WTIP: variants seen among roughly 807,000 people sequenced by gnomAD.
The protein encoded by WTIP is WT1 interacting protein, also known as Wilms tumor protein 1-interacting protein.
A neutral mutation model predicts 41.7 loss-of-function variants in WTIP; 23 were observed. The observed-to-expected ratio is 0.55, with a 90% CI of 0.40 to 0.78. The LOEUF (loss-of-function observed/expected upper bound fraction) is 0.78, where lower values mean the gene tolerates loss of function less well. Ranked by LOEUF, WTIP falls within the 30% of genes least tolerant of loss-of-function variation. The pLI, the probability that WTIP is intolerant of heterozygous loss-of-function variation, is 0.00. For missense variants in WTIP, 619 were observed against 610.5 expected (o/e 1.01, Z -0.15); for synonymous variants, 314 against 269.9 (o/e 1.16, Z -1.60).
Position 34,506,650 on chromosome 19 carries a change from G to A in WTIP, c.*6381G>A, listed in dbSNP as rs1360245722. The A allele has an allele frequency of 1.3e-5, 2 of 152,124 alleles. No individual in the cohort carries two copies. Among genetic ancestry groups the A allele is most frequent in the Non-Finnish European group, 2.9e-5 (2 of 68,052 alleles). The allele number at this position is 152,124 out of a possible 1,614,324, so 9.4% of individuals were successfully genotyped here. A position where few individuals can be genotyped will look rare whatever the true frequency, so the allele number is the denominator to read the frequency against. On this transcript the variant is annotated 3_prime_UTR_variant, in exon 8 of 8. Coordinates refer to ENST00000590071, the MANE Select transcript of WTIP (RefSeq NM_001080436.2). ...TGGGCACCTGTAGTCCCAGCTACTG[G>A]GGAGGAGGCTGAGGCACGAGAATCG...
intron 7 of WTIP, among the ~76,000 whole-genome samples, chr19:34,497,119 T>C (rs1378201475): frequency 6.6e-6 from 1 of 152,140 alleles, no homozygotes; most frequent in African/African-American, 2.4e-5. Flanking sequence ...CGCCTTGGCC[T>C]CCCAAAGTGC....
rs991335480 is a variant in WTIP at position 34,506,322 on chromosome 19, A to G, written c.*6053A>G. ...ACTGAGGGTGCAGGCCAAACCTTTT[A>G]AAGAATAAACAGAAAGAAATCGGCT... is the stretch of plus-strand genomic sequence containing the variant. On this transcript the variant is annotated 3_prime_UTR_variant, in exon 8 of 8. Coordinates refer to ENST00000590071, the MANE Select transcript of WTIP (RefSeq NM_001080436.2). The G allele has an allele frequency of 1.3e-5, 2 of 152,022 alleles. No individual in the cohort carries two copies. The highest frequency in any genetic ancestry group is 6.6e-5 in the Admixed American group (1 of 15,114). The allele number at this position is 152,022 out of a possible 1,614,324, so 9.4% of individuals were successfully genotyped here. A position where few individuals can be genotyped will look rare whatever the true frequency, so the allele number is the denominator to read the frequency against.
Position 34,482,063 on chromosome 19 carries a change from C to A in WTIP, c.89C>A (p.Pro30His). ...GAGCTGGAGCCCGGGTGCGGCTCTC[C>A]CGGTCGGGGGCGGCGGGGGCCGCGG... is the stretch of plus-strand genomic sequence containing the variant. ...LRELEPGCGS[P>H]GRGRRGPRPG... The change falls in exon 1 of 8, where the codon CCC (proline) becomes CAC (histidine). Residue 30 changes from proline to histidine, a missense_variant. Physicochemically the swap from Pro to His is moderately conservative, Grantham distance 77. Transcript: ENST00000590071. The A allele has an allele frequency of 9.7e-7, 1 of 1,034,938 alleles. No individual in the cohort carries two copies. The highest frequency in any genetic ancestry group is 8.2e-5 in the East Asian group (1 of 12,264). 64.1% of individuals were successfully genotyped at this position (1,034,938 alleles called of 1,614,324 possible). A position where few individuals can be genotyped will look rare whatever the true frequency, so the allele number is the denominator to read the frequency against.
At chr19:34,487,699 G>C (rs989869049) in intron 1 of WTIP, among the ~76,000 whole-genome samples, 3 of 152,208 alleles carry the variant, frequency 2.0e-5, no homozygotes, top group African/African-American at 7.2e-5. Flanking sequence ...AGGAGGGAGA[G>C]GAGGTTATTT....
chr19:34,489,041 T>C (rs981579147), intron 1 of WTIP, among the ~76,000 whole-genome samples: 4 of 150,518 alleles, frequency 2.7e-5, no homozygotes, highest in African/African-American at 7.4e-5. Flanking sequence ...CTACTAAAAA[T>C]ACAAAAAATT....
At chr19:34,485,016 T>C (rs2075790495) in intron 1 of WTIP, among the ~76,000 whole-genome samples, 1 of 152,116 alleles carries the variant, frequency 6.6e-6, no homozygotes, top group South Asian at 2.1e-4. Flanking sequence ...GATAGACCTT[T>C]TTTATTTTGT....
chr19:34,491,730 C>T lies in WTIP; in HGVS notation c.769+1253C>T, dbSNP rs568109451. On this transcript the variant is annotated intron_variant, in intron 2 of 7. Transcript: ENST00000590071. ...CGAGATCTCGGCTCACTGCCACCTCCGTGTCCCAGTTTCAAGTGATTCGCC... is the reference window on the plus strand; with the variant it reads ...CGAGATCTCGGCTCACTGCCACCTCTGTGTCCCAGTTTCAAGTGATTCGCC... Among the ~76,000 whole-genome samples, 40 of 152,018 alleles carry T rather than the reference C, an allele frequency of 2.6e-4. No homozygotes were observed. The South Asian group carries it at 8.1e-3, about 31-fold the overall frequency.
chr19:34,495,457 A>C (rs886718615), intron 6 of WTIP, among the ~76,000 whole-genome samples: 1 of 151,826 alleles, frequency 6.6e-6, no homozygotes, highest in African/African-American at 2.4e-5. Context: ...CAAACACGTG[A>C]CACTCTTGTG....
Position 34,482,467 on chromosome 19 carries a change from T to G in WTIP, c.493T>G (p.Cys165Gly). ...AYADFLPPGA[C>G]PAPARSPEPA... ...CGCTGACTTCCTCCCGCCCGGCGCCTGCCCCGCGCCCGCTCGCTCCCCGGA... is the reference window on the plus strand; with the variant it reads ...CGCTGACTTCCTCCCGCCCGGCGCCGGCCCCGCGCCCGCTCGCTCCCCGGA... The change falls in exon 1 of 8, where the codon TGC (cysteine) becomes GGC (glycine). Residue 165 changes from cysteine (C) to glycine (G), a missense_variant. Transcript: ENST00000590071. 1.6e-6 allele frequency: 2 copies of G among 1,259,680 alleles called. No homozygotes were observed. The highest frequency in any genetic ancestry group is 2.0e-6 in the Non-Finnish European group (2 of 1,005,872). The allele number at this position is 1,259,680 out of a possible 1,614,324, so 78.0% of individuals were successfully genotyped here.
chr19:34,488,900 T>TAAA (rs34016783), intron 1 of WTIP, among the ~76,000 whole-genome samples: 12 of 124,612 alleles, frequency 9.6e-5, no homozygotes, highest in African/African-American at 2.5e-4. Flanking sequence ...GAGACTCTCC[T>TAAA]AAAAAAAAAA....
intron 1 of WTIP, among the ~76,000 whole-genome samples, chr19:34,484,558 A>G (rs1039333669): frequency 1.3e-5 from 2 of 151,884 alleles, no homozygotes; most frequent in African/African-American, 4.8e-5. Flanking sequence ...CCAGGAAGAG[A>G]GGCTGGGGCT....
rs561806034 is a variant in WTIP, at chr19:34,509,810, A to T, written c.*9541A>T. On this transcript the variant is annotated 3_prime_UTR_variant, in exon 8 of 8. Coordinates refer to ENST00000590071, the MANE Select transcript of WTIP (RefSeq NM_001080436.2). ...CCATTCCAAATGGGAGAAATTGGCC[A>T]AAACAAAGGGGTTACAGGACCCATG... The T allele has an allele frequency of 1.1e-4, 17 of 152,350 alleles. No individual in the cohort carries two copies. Among genetic ancestry groups the T allele is most frequent in the African/African-American group, 3.4e-4 (14 of 41,588 alleles). The allele number at this position is 152,350 out of a possible 1,614,324, so 9.4% of individuals were successfully genotyped here. A position where few individuals can be genotyped will look rare whatever the true frequency, so the allele number is the denominator to read the frequency against.
In WTIP at chr19:34,482,217, C is replaced by T; in HGVS notation, c.243C>T (p.Leu81=). 1.7e-6 allele frequency: 2 copies of T among 1,149,164 alleles called. No individual in the cohort carries two copies. Among genetic ancestry groups the T allele is most frequent in the Non-Finnish European group, 2.1e-6 (2 of 938,826 alleles). 71.2% of individuals were successfully genotyped at this position (1,149,164 alleles called of 1,614,324 possible). A position where few individuals can be genotyped will look rare whatever the true frequency, so the allele number is the denominator to read the frequency against. Residue 81 remains leucine (L), a synonymous_variant, in exon 1 of 8, where the codon CTC becomes CTT. Coordinates refer to ENST00000590071, the MANE Select transcript of WTIP (RefSeq NM_001080436.2). The part of the protein sequence containing the change: ...RGPRRAAVPE[L]SAQPAGSPRA... ...CCCGGCGCGCGGCGGTTCCGGAGCT[C>T]AGCGCGCAGCCTGCGGGCAGCCCAC...
rs1401772876 is a variant in WTIP at position 34,481,949 on chromosome 19, A to ACGCGC, written c.-24_-20dup. ...GCGGCGGGAAGCGGAGGCGGAGGTGACGCGCCAGGGCCGGCGGGCCGGGCC... is the reference window on the plus strand; with the variant it reads ...GCGGCGGGAAGCGGAGGCGGAGGTGACGCGCCGCGCCAGGGCCGGCGGGCCGGGCC... On this transcript the variant is annotated 5_prime_UTR_variant, in exon 1 of 8. Coordinates refer to ENST00000590071, the MANE Select transcript of WTIP (RefSeq NM_001080436.2). The ACGCGC allele has an allele frequency of 1.2e-5, 12 of 994,406 alleles. No individual in the cohort carries two copies. The African/African-American group carries it at 1.8e-4, about 15-fold the overall frequency. 61.6% of individuals were successfully genotyped at this position (994,406 alleles called of 1,614,324 possible). A position where few individuals can be genotyped will look rare whatever the true frequency, so the allele number is the denominator to read the frequency against.
At chr19:34,482,721 G>T in intron 1 of WTIP, 80 bp downstream of exon 1, 2 of 1,207,070 alleles carry the variant, frequency 1.7e-6, no homozygotes, top group Admixed American at 8.8e-5. Flanking sequence ...TAGGCGGCCG[G>T]ATCAGCGGAG....
At chr19:34,495,957 G>C (rs923405066) in intron 7 of WTIP, among the ~76,000 whole-genome samples, 186 bp downstream of exon 7, 1 of 152,162 alleles carries the variant, frequency 6.6e-6, no homozygotes, top group Non-Finnish European at 1.5e-5. Context: ...AGGAGTTCGA[G>C]ACCAGCCTGG....
chr19:34,490,800 A>G (rs1225140784), intron 2 of WTIP, among the ~76,000 whole-genome samples: 1 of 152,078 alleles, frequency 6.6e-6, no homozygotes, highest in Non-Finnish European at 1.5e-5. Context: ...CATACGACTA[A>G]TATTTCTTTT....
At position 34,507,364 on chromosome 19, in the gene WTIP, G is replaced by C. The variant is rs928355857; in HGVS notation, c.*7095G>C. The C allele has an allele frequency of 6.7e-6, 1 of 149,076 alleles. No homozygotes were observed. Among genetic ancestry groups the C allele is most frequent in the Admixed American group, 6.8e-5 (1 of 14,768 alleles). The allele number at this position is 149,076 out of a possible 1,614,324, so 9.2% of individuals were successfully genotyped here. A position where few individuals can be genotyped will look rare whatever the true frequency, so the allele number is the denominator to read the frequency against. ...CAGGATTCTTATAACAAAAGCAGTTGTCTTAAGATGAATGGCTCATATTTG... is the reference window on the plus strand; with the variant it reads ...CAGGATTCTTATAACAAAAGCAGTTCTCTTAAGATGAATGGCTCATATTTG... On this transcript the variant is annotated 3_prime_UTR_variant, in exon 8 of 8. Transcript: ENST00000590071.
Position 34,504,825 on chromosome 19 carries a change from C to T in WTIP, c.*4556C>T, listed in dbSNP as rs535292834. ...CCTTCCCCATCACGGGGTCCTGTCT[C>T]GTCCGGTCTGGCAGCCCTCATCTGG... On this transcript the variant is annotated 3_prime_UTR_variant, in exon 8 of 8. Coordinates refer to ENST00000590071, the MANE Select transcript of WTIP (RefSeq NM_001080436.2). 1 of 152,102 alleles carries T rather than the reference C, an allele frequency of 6.6e-6. No individual in the cohort carries two copies. Among genetic ancestry groups the T allele is most frequent in the Non-Finnish European group, 1.5e-5 (1 of 68,038 alleles). 9.4% of individuals were successfully genotyped at this position (152,102 alleles called of 1,614,324 possible).
Sources: gnomAD v4.1 joint callset for allele counts (sites outside exome capture counted in the v4.1 genomes callset) on GRCh38, gnomAD v4.1.1 for gene constraint, MANE v1.5 for transcripts, NCBI Gene and HGNC (gene_info 2026-07-23, HGNC 2026-07-21) for gene names.